POLDIP3: variants seen among roughly 807,000 people sequenced by gnomAD.
POLDIP3 encodes the protein DNA polymerase delta interacting protein 3.
In POLDIP3, 14 loss-of-function variants were observed where a neutral mutation model predicts 45.1. The ratio of observed to expected loss-of-function variants is 0.31; its 90% confidence interval spans 0.20 to 0.49. The LOEUF (loss-of-function observed/expected upper bound fraction) is 0.49. POLDIP3 is among the 20% of genes least tolerant of loss of function. POLDIP3 has a pLI of 0.99. For missense variants in POLDIP3, 511 were observed against 538.8 expected (o/e 0.95, Z 0.51); for synonymous variants, 223 against 205.2 (o/e 1.09, Z -0.74).
At chr22:42,599,429 C>T (rs1926205106) in intron 4 of POLDIP3, among the ~76,000 whole-genome samples, 1 of 152,174 alleles carries the variant, frequency 6.6e-6, no homozygotes. Flanking sequence ...CATGGTGAAA[C>T]CTCATCTCTA....
At chr22:42,589,371 A>T (rs1925525575) in intron 7 of POLDIP3, among the ~76,000 whole-genome samples, 1 of 152,240 alleles carries the variant, frequency 6.6e-6, no homozygotes, top group Admixed American at 6.5e-5. Context: ...ACAACAAAAA[A>T]AGTGACTAGA....
At chr22:42,613,777 T>C (rs140392226) in intron 1 of POLDIP3, among the ~76,000 whole-genome samples, 3 of 152,048 alleles carry the variant, frequency 2.0e-5, no homozygotes, top group African/African-American at 2.4e-5. Flanking sequence ...AACATAAAAA[T>C]AAAAATAAAC....
intron 1 of POLDIP3, 60 bp downstream of exon 1, chr22:42,614,735 TCCCC>T: frequency 6.4e-7 from 1 of 1,563,118 alleles, no homozygotes; most frequent in African/African-American, 1.4e-5. Context: ...GATCGCTACC[TCCCC>T]CGCCTCGAGC....
intron 4 of POLDIP3, chr22:42,597,643 T>C (rs1926077513): frequency 2.2e-6 from 1 of 455,780 alleles, no homozygotes; most frequent in South Asian, 1.6e-5. Context: ...ATTTATTCAA[T>C]TAGGGTATCA....
intron 1 of POLDIP3, 108 bp downstream of exon 1, chr22:42,614,691 G>A: frequency 1.6e-6 from 2 of 1,258,992 alleles, no homozygotes; most frequent in Non-Finnish European, 2.3e-6. Flanking sequence ...CTGTGGTCGG[G>A]GGCGGGCGCA....
In POLDIP3 at chr22:42,592,232, G is replaced by A. The variant is rs562795768; in HGVS notation, c.892-148C>T. On this transcript the variant is annotated intron_variant, in intron 6 of 8. Coordinates refer to ENST00000252115, the MANE Select transcript of POLDIP3 (RefSeq NM_032311.5). Reference sequence around the variant, plus strand: ...GCGGGGAGGCTCCACGCGAGGTGGTGCTCTGGAGACATCCACAGGCTTCAA... The same window carrying A: ...GCGGGGAGGCTCCACGCGAGGTGGTACTCTGGAGACATCCACAGGCTTCAA... 5.9e-6 allele frequency: 7 copies of A among 1,184,518 alleles called. No individual in the cohort carries two copies. In the Admixed American group the frequency reaches 1.4e-4, roughly 23 times the overall value. 73.4% of individuals were successfully genotyped at this position (1,184,518 alleles called of 1,614,324 possible).
intron 6 of POLDIP3, among the ~76,000 whole-genome samples, chr22:42,592,689 C>G (rs141855135): frequency 6.6e-6 from 1 of 152,326 alleles, no homozygotes; most frequent in East Asian, 1.9e-4. Flanking sequence ...GTTTCCTCCT[C>G]TGAAAATAAA....
chr22:42,585,604 G>T lies in POLDIP3; in HGVS notation c.*187C>A. 1.5e-6 allele frequency: 1 copy of T among 660,166 alleles called. No homozygotes were observed. The highest frequency in any genetic ancestry group is 2.6e-6 in the Non-Finnish European group (1 of 381,604). 40.9% of individuals were successfully genotyped at this position (660,166 alleles called of 1,614,324 possible). A position where few individuals can be genotyped will look rare whatever the true frequency, so the allele number is the denominator to read the frequency against. ...ATACTACAGGAAACGTTAACGTAGAGAGAAGAGCACAGGGCAGAACACAAC... is the reference window on the plus strand; with the variant it reads ...ATACTACAGGAAACGTTAACGTAGATAGAAGAGCACAGGGCAGAACACAAC... On this transcript the variant is annotated 3_prime_UTR_variant, in exon 9 of 9. Transcript: ENST00000252115.
At chr22:42,586,565 T>C (rs1925327616) in intron 8 of POLDIP3, among the ~76,000 whole-genome samples, 1 of 152,152 alleles carries the variant, frequency 6.6e-6, no homozygotes, top group Non-Finnish European at 1.5e-5. Context: ...TATTACACAA[T>C]CTGAGAAGCC....
At chr22:42,609,845 G>A (rs1927010591) in intron 1 of POLDIP3, among the ~76,000 whole-genome samples, 1 of 152,194 alleles carries the variant, frequency 6.6e-6, no homozygotes, top group African/African-American at 2.4e-5. Context: ...TGAATTAGGT[G>A]TTTAAGAGAC....
At chr22:42,607,302 G>A (rs894015885) in intron 1 of POLDIP3, among the ~76,000 whole-genome samples, 12 of 152,256 alleles carry the variant, frequency 7.9e-5, no homozygotes, top group African/African-American at 2.9e-4. Flanking sequence ...TGGTGGAGAC[G>A]GGGTTTCGCT....
intron 4 of POLDIP3, among the ~76,000 whole-genome samples, chr22:42,598,781 TG>T (rs1230026933): frequency 6.6e-6 from 1 of 152,104 alleles, no homozygotes; most frequent in Non-Finnish European, 1.5e-5. Context: ...ACAAAAGAGG[TG>T]GCTGCCACAA....
intron 6 of POLDIP3, among the ~76,000 whole-genome samples, chr22:42,593,474 C>T (rs1925796206): frequency 6.6e-6 from 1 of 152,194 alleles, no homozygotes; most frequent in Non-Finnish European, 1.5e-5. Context: ...TGGCACATAG[C>T]AAGTACTCAG....
Position 42,584,652 on chromosome 22 carries a change from T to C in POLDIP3, c.*1139A>G, listed in dbSNP as rs1345853450. On this transcript the variant is annotated 3_prime_UTR_variant, in exon 9 of 9. Coordinates refer to ENST00000252115, the MANE Select transcript of POLDIP3 (RefSeq NM_032311.5). Reference sequence around the variant, plus strand: ...GTTTCGTCCCAACTGTCTGCGCCTATGCTGGGGAAACACCTTGCCTGGTAG... The same window carrying C: ...GTTTCGTCCCAACTGTCTGCGCCTACGCTGGGGAAACACCTTGCCTGGTAG... 2.9e-6 allele frequency: 1 copy of C among 346,500 alleles called. No homozygotes were observed. Among genetic ancestry groups the C allele is most frequent in the Non-Finnish European group, 5.6e-6 (1 of 177,552 alleles). 21.5% of individuals were successfully genotyped at this position (346,500 alleles called of 1,614,324 possible).
At chr22:42,598,112 T>C (rs1728822929) in intron 4 of POLDIP3, among the ~76,000 whole-genome samples, 1 of 150,026 alleles carries the variant, frequency 6.7e-6, no homozygotes, top group African/African-American at 2.5e-5. Flanking sequence ...AGACAGAGTC[T>C]CACTCTGTCG....
Position 42,596,322 on chromosome 22 carries a change from G to C in POLDIP3, c.677C>G (p.Pro226Arg). ...SSKLSMSKALPLTKVVQNDAY... is the reference protein window; with the variant it reads ...SSKLSMSKALRLTKVVQNDAY... Reference sequence around the variant, plus strand: ...ATCATTCTGAACCACTTTGGTGAGAGGGAGGGCCTTGGACATGGAAAGCTT... The same window carrying C: ...ATCATTCTGAACCACTTTGGTGAGACGGAGGGCCTTGGACATGGAAAGCTT... Residue 226 changes from proline (P) to arginine (R), a missense_variant, in exon 5 of 9, where the codon CCT becomes CGT. By Grantham distance (103) the Pro-to-Arg change is moderately radical. Transcript: ENST00000252115. The C allele has an allele frequency of 6.2e-7, 1 of 1,614,184 alleles. No homozygotes were observed. The highest frequency in any genetic ancestry group is 8.5e-7 in the Non-Finnish European group (1 of 1,180,012).
At chr22:42,604,544 G>A (rs1025006496) in intron 1 of POLDIP3, among the ~76,000 whole-genome samples, 2 of 152,158 alleles carry the variant, frequency 1.3e-5, no homozygotes, top group African/African-American at 4.8e-5. Flanking sequence ...CTGCATAAAC[G>A]AGTTCCTGTA....
chr22:42,597,339 C>T (rs1191581425), intron 4 of POLDIP3, among the ~76,000 whole-genome samples: 4 of 152,200 alleles, frequency 2.6e-5, no homozygotes, highest in Non-Finnish European at 4.4e-5. Flanking sequence ...AGCATGGGCA[C>T]GGGCAATTCA....
rs752290820 is a variant in POLDIP3 at position 42,585,978 on chromosome 22, G to A, written c.1089-10C>T. ...GCTGTCACTCAGCCGCCTGTGGAGA[G>A]CAGAGAAGAGTCAAAAATTCTTGTC... On this transcript the variant is annotated splice_polypyrimidine_tract_variant and intron_variant, in intron 8 of 8. Coordinates refer to ENST00000252115, the MANE Select transcript of POLDIP3 (RefSeq NM_032311.5). The A allele has an allele frequency of 1.3e-6, 2 of 1,591,566 alleles. No individual in the cohort carries two copies. Among genetic ancestry groups the A allele is most frequent in the East Asian group, 2.3e-5 (1 of 44,360 alleles).
Sources: gnomAD v4.1 joint callset for allele counts (sites outside exome capture counted in the v4.1 genomes callset) on GRCh38, gnomAD v4.1.1 for gene constraint, MANE v1.5 for transcripts, NCBI Gene and HGNC (gene_info 2026-07-23, HGNC 2026-07-21) for gene names.